Variants in PRKAG2 observed in about 807,000 individuals in gnomAD.
PRKAG2 encodes protein kinase AMP-activated non-catalytic subunit gamma 2, also known as 5'-AMP-activated protein kinase subunit gamma-2.
A neutral mutation model predicts 69.6 loss-of-function variants in PRKAG2; 26 were observed. That is an observed-to-expected ratio of 0.37 (90% CI 0.27 to 0.52). The LOEUF (loss-of-function observed/expected upper bound fraction) is 0.52. Among genes scored for constraint, PRKAG2 ranks in the 20% least tolerant of loss-of-function variants. The probability of loss-of-function intolerance (pLI) is 0.90; values close to 1 mark genes in which losing one functional copy is unlikely to be tolerated. For synonymous variants in PRKAG2, 293 were observed against 285.0 expected, an observed-to-expected ratio of 1.03 and a Z score of -0.28; for missense variants, 557 against 740.0, an observed-to-expected ratio of 0.75 and a Z score of 2.87.
intron 5 of PRKAG2, among the ~76,000 whole-genome samples, chr7:151,630,990 C>CA (rs1824267043): frequency 6.6e-6 from 1 of 152,200 alleles, no homozygotes; most frequent in African/African-American, 2.4e-5. Context: ...CAGTGAATCT[C>CA]AAAGATAACA....
chr7:151,752,752 A>G (rs2074789517), intron 3 of PRKAG2, among the ~76,000 whole-genome samples: 1 of 152,252 alleles, frequency 6.6e-6, no homozygotes, highest in South Asian at 2.1e-4. Context: ...TAATTACTAT[A>G]GTAACAATTC....
At chr7:151,802,952 A>AC (rs11455244) in intron 1 of PRKAG2, among the ~76,000 whole-genome samples, 23,276 of 131,774 alleles carry the variant, frequency 0.18, 2,004 homozygotes, top group African/African-American at 0.22. Flanking sequence ...GCAATATGAT[A>AC]TATATATATA....
chr7:151,589,932 C>T (rs1812647585), intron 6 of PRKAG2, among the ~76,000 whole-genome samples: 1 of 151,912 alleles, frequency 6.6e-6, no homozygotes, highest in African/African-American at 2.4e-5. Context: ...GAGACCCTGT[C>T]TTTAAAAAAA....
intron 3 of PRKAG2, among the ~76,000 whole-genome samples, chr7:151,721,245 G>A (rs1026857436): frequency 1.3e-5 from 2 of 152,058 alleles, no homozygotes; most frequent in African/African-American, 4.8e-5. Flanking sequence ...GCATCCTGAA[G>A]CGGGGGTCCT....
At chr7:151,782,368 G>GAAA (rs2076748459) in intron 2 of PRKAG2, among the ~76,000 whole-genome samples, 3 of 39,990 alleles carry the variant, frequency 7.5e-5, no homozygotes, top group Middle Eastern at 0.013. Flanking sequence ...AGGGAGGGAG[G>GAAA]GAGGGAAGGA....
intron 1 of PRKAG2, among the ~76,000 whole-genome samples, chr7:151,873,395 TG>T (rs2080265732): frequency 6.6e-6 from 1 of 152,240 alleles, no homozygotes; most frequent in African/African-American, 2.4e-5. Context: ...CGTATGACCC[TG>T]GATCATTTGC....
chr7:151,758,369 G>A (rs957611517), intron 3 of PRKAG2, among the ~76,000 whole-genome samples: 5 of 152,224 alleles, frequency 3.3e-5, no homozygotes, highest in African/African-American at 4.8e-5. Flanking sequence ...AGAATCTGTG[G>A]CATCTGGTTT....
At chr7:151,647,821 T>C (rs1827820791) in intron 4 of PRKAG2, among the ~76,000 whole-genome samples, 1 of 152,198 alleles carries the variant, frequency 6.6e-6, no homozygotes, top group Non-Finnish European at 1.5e-5. Flanking sequence ...GTAGAGAGGG[T>C]TGGCTGCAGG....
chr7:151,876,145 C>T (rs1333494991), intron 1 of PRKAG2, among the ~76,000 whole-genome samples: 1 of 150,952 alleles, frequency 6.6e-6, no homozygotes, highest in Non-Finnish European at 1.5e-5. Flanking sequence ...GGAGCGCAGT[C>T]CACACCGTCC....
At chr7:151,751,499 T>A (rs868554160) in intron 3 of PRKAG2, among the ~76,000 whole-genome samples, 6 of 137,136 alleles carry the variant, frequency 4.4e-5, no homozygotes, top group South Asian at 4.7e-4. Context: ...CTACTCTATT[T>A]ATTATTTATT....
chr7:151,672,444 C>G (rs1832212712), intron 4 of PRKAG2, among the ~76,000 whole-genome samples: 2 of 152,130 alleles, frequency 1.3e-5, no homozygotes, highest in African/African-American at 4.8e-5. Flanking sequence ...CAAGTACATT[C>G]ATACTGTTGT....
intron 1 of PRKAG2, among the ~76,000 whole-genome samples, chr7:151,849,581 G>A (rs2079522460): frequency 6.6e-6 from 1 of 152,198 alleles, no homozygotes; most frequent in Admixed American, 6.5e-5. Context: ...CTGCAGGCCT[G>A]AAGTCCAAGA....
At chr7:151,740,671 G>A (rs1247220047) in intron 3 of PRKAG2, among the ~76,000 whole-genome samples, 2 of 152,210 alleles carry the variant, frequency 1.3e-5, no homozygotes, top group African/African-American at 4.8e-5. Flanking sequence ...AATGCTAACT[G>A]CATGAAAAAG....
chr7:151,592,887 C>G (rs554212311), intron 6 of PRKAG2, among the ~76,000 whole-genome samples: 80 of 152,280 alleles, frequency 5.3e-4, no homozygotes, highest in African/African-American at 1.6e-3. Flanking sequence ...CACCCCTTTT[C>G]AAATACATCT....
chr7:151,727,658 T>C (rs143518689), intron 3 of PRKAG2, among the ~76,000 whole-genome samples: 34 of 152,102 alleles, frequency 2.2e-4, no homozygotes, highest in Non-Finnish European at 4.0e-4. Context: ...GCCACTCCCT[T>C]TCCATCAGCC....
intron 11 of PRKAG2, 78 bp from the exon 12 acceptor site, chr7:151,565,963 A>T: frequency 6.7e-7 from 1 of 1,496,086 alleles, no homozygotes. Context: ...TTTGAATGAA[A>T]AAGTATGTCC....
At chr7:151,560,858 G>C (rs1804792121) in intron 14 of PRKAG2, among the ~76,000 whole-genome samples, 1 of 152,004 alleles carries the variant, frequency 6.6e-6, no homozygotes. Context: ...GGTTGCAGTG[G>C]GCCAAGATCG....
chr7:151,823,038 C>G (rs2078826853), intron 1 of PRKAG2, among the ~76,000 whole-genome samples: 1 of 151,350 alleles, frequency 6.6e-6, no homozygotes, highest in African/African-American at 2.4e-5. Flanking sequence ...CACCCCACCC[C>G]ACCCCACAGC....
intron 3 of PRKAG2, among the ~76,000 whole-genome samples, chr7:151,713,720 C>T (rs1795684945): frequency 6.6e-6 from 1 of 151,768 alleles, no homozygotes; most frequent in Non-Finnish European, 1.5e-5. Context: ...GCTGGGATTA[C>T]AGGTGCAGGC....
Sources: gnomAD v4.1 joint callset for allele counts (sites outside exome capture counted in the v4.1 genomes callset) on GRCh38, gnomAD v4.1.1 for gene constraint, MANE v1.5 for transcripts, NCBI Gene and HGNC (gene_info 2026-07-23, HGNC 2026-07-21) for gene names.